HRH2: variants seen among roughly 807,000 people sequenced by gnomAD.
HRH2 encodes the protein histamine receptor H2, also known as histamine H2 receptor.
In HRH2, 4 loss-of-function variants were observed where a neutral mutation model predicts 20.1. That is an observed-to-expected ratio of 0.20 (90% CI 0.10 to 0.45). The LOEUF is 0.45. Among genes scored for constraint, HRH2 ranks in the 20% least tolerant of loss-of-function variants. The pLI is 0.99. For synonymous variants in HRH2, 197 were observed against 200.7 expected (o/e 0.98, Z 0.16); for missense variants, 250 against 461.6 (o/e 0.54, Z 4.20).
chr5:175,681,226 C>T lies in HRH2; in HGVS notation c.-525-1483C>T, dbSNP rs888065635. ...GAAAAGCTCTGCTAAAAATAGTACC[C>T]GGAGGTTCAGCTGCCAGGACTGGTG... On this transcript the variant is annotated intron_variant, in intron 1 of 2. Coordinates refer to ENST00000636584, the MANE Select transcript of HRH2 (RefSeq NM_001367711.1). This position sits in a 1 kb window ranked among gnomAD's most constrained non-coding sequence, Gnocchi z 4.3. 1.3e-5 allele frequency among the ~76,000 whole-genome samples: 2 copies of T among 152,142 alleles called. No homozygotes were observed. The highest frequency in any genetic ancestry group is 1.9e-4 in the East Asian group (1 of 5,198).
chr5:175,666,240 C>T (rs1014460987), intron 1 of HRH2, among the ~76,000 whole-genome samples: 7 of 152,184 alleles, frequency 4.6e-5, no homozygotes, highest in Admixed American at 1.3e-4. Context: ...CTGCAGTCCC[C>T]AGACTGTGTT....
intron 1 of HRH2, among the ~76,000 whole-genome samples, chr5:175,663,346 C>T (rs1054597954): frequency 6.6e-6 from 1 of 152,190 alleles, no homozygotes; most frequent in Non-Finnish European, 1.5e-5. Flanking sequence ...TGGATTCTAG[C>T]CATCCTTGTG....
Position 175,687,547 on chromosome 5 carries a change from C to G in HRH2, c.1076+3238C>G, listed in dbSNP as rs992349055. 1.3e-5 allele frequency among the ~76,000 whole-genome samples: 2 copies of G among 152,110 alleles called. No individual in the cohort carries two copies. Among genetic ancestry groups the G allele is most frequent in the Non-Finnish European group, 2.9e-5 (2 of 68,018 alleles). ...GCCACCCCACAATGTTCCTGCCCAG[C>G]CTCTATGAGTGCTCTTTGCAGCACA... On this transcript the variant is annotated intron_variant, in intron 2 of 2. Coordinates refer to ENST00000636584, the MANE Select transcript of HRH2 (RefSeq NM_001367711.1). This position sits in a 1 kb window ranked among gnomAD's most constrained non-coding sequence, Gnocchi z 5.2.
At chr5:175,695,188 GTAA>G (rs1756530713) in intron 2 of HRH2, among the ~76,000 whole-genome samples, 1 of 152,062 alleles carries the variant, frequency 6.6e-6, no homozygotes, top group Non-Finnish European at 1.5e-5. Flanking sequence ...CAACTACCTG[GTAA>G]TTGTGACTGC....
intron 1 of HRH2, among the ~76,000 whole-genome samples, chr5:175,673,277 G>C (rs1358661343): frequency 6.6e-6 from 1 of 152,138 alleles, no homozygotes; most frequent in African/African-American, 2.4e-5. Context: ...TTCACAGGCA[G>C]ACAGGGTTTG....
chr5:175,679,374 G>A (rs1204280299), intron 1 of HRH2, among the ~76,000 whole-genome samples: 2 of 152,194 alleles, frequency 1.3e-5, no homozygotes, highest in Non-Finnish European at 2.9e-5. Flanking sequence ...AAGTGAGAGA[G>A]GATGGAGAAC....
At chr5:175,676,320 C>T (rs573011780) in intron 1 of HRH2, among the ~76,000 whole-genome samples, 9 of 152,374 alleles carry the variant, frequency 5.9e-5, no homozygotes, top group African/African-American at 1.9e-4. Context: ...CGCACATCCA[C>T]GCCCGCACGT....
At chr5:175,670,259 C>G (rs2113487144) in intron 1 of HRH2, among the ~76,000 whole-genome samples, 1 of 151,758 alleles carries the variant, frequency 6.6e-6, no homozygotes, top group South Asian at 2.1e-4. Flanking sequence ...ATAGTGAGAC[C>G]CTGCCTCAAA....
rs547698156 is a variant in HRH2, at chr5:175,671,302, G to T, written c.-525-11407G>T. Among the ~76,000 whole-genome samples, 3 of 152,356 alleles carry T rather than the reference G, an allele frequency of 2.0e-5. No individual in the cohort carries two copies. In the South Asian group the frequency reaches 6.2e-4, roughly 32 times the overall value. ...ATAATCAACGGGTATAAATGTTCCT[G>T]GCAAGTGTTATCTGTTTGCTGCTGA... On this transcript the variant is annotated intron_variant, in intron 1 of 2. Coordinates refer to ENST00000636584, the MANE Select transcript of HRH2 (RefSeq NM_001367711.1).
chr5:175,707,220 C>T (rs1184763814), intron 2 of HRH2, among the ~76,000 whole-genome samples: 4 of 152,022 alleles, frequency 2.6e-5, no homozygotes, highest in Admixed American at 2.6e-4. Flanking sequence ...CCCAGGAGTT[C>T]AAGACCAGCC....
chr5:175,697,520 G>A (rs962226878), intron 2 of HRH2, among the ~76,000 whole-genome samples: 1 of 149,656 alleles, frequency 6.7e-6, no homozygotes, highest in Middle Eastern at 3.5e-3. Context: ...ACCCCCTGCA[G>A]CCTCATCTCT....
At chr5:175,668,460 T>G (rs940661598) in intron 1 of HRH2, among the ~76,000 whole-genome samples, 15 of 152,156 alleles carry the variant, frequency 9.9e-5, no homozygotes, top group Non-Finnish European at 2.9e-5. Flanking sequence ...GGTCTTGATC[T>G]TGACCCCATA....
At chr5:175,696,662 G>A (rs1040666636) in intron 2 of HRH2, among the ~76,000 whole-genome samples, 13 of 152,186 alleles carry the variant, frequency 8.5e-5, no homozygotes, top group African/African-American at 2.9e-4. Context: ...AGGGAGGTGG[G>A]GGAGGGGCTC....
chr5:175,685,239 A>G (rs775258799), intron 2 of HRH2: 22 of 162,618 alleles, frequency 1.4e-4, no homozygotes, highest in Non-Finnish European at 2.2e-4. Context: ...CAGGATCTTA[A>G]GGGAAACCAC....
intron 1 of HRH2, among the ~76,000 whole-genome samples, chr5:175,665,598 T>C (rs760647640): frequency 1.3e-5 from 2 of 152,112 alleles, no homozygotes; most frequent in African/African-American, 2.4e-5. Flanking sequence ...CTCGCTGCCC[T>C]GAGAAAGCCC....
chr5:175,687,463 A>T lies in HRH2; in HGVS notation c.1076+3154A>T, dbSNP rs1581442606. ...TGGGGGCACCGTCGGCCAAGGGGTG[A>T]CTCCAGAAGATAGAGTGGCCAAGCT... On this transcript the variant is annotated intron_variant, in intron 2 of 2. Coordinates refer to ENST00000636584, the MANE Select transcript of HRH2 (RefSeq NM_001367711.1). The surrounding 1 kb of genome is among the most constrained non-coding windows in gnomAD (Gnocchi z 5.2). Among the ~76,000 whole-genome samples, 1 of 151,978 alleles carries T rather than the reference A, an allele frequency of 6.6e-6. No individual in the cohort carries two copies. Among genetic ancestry groups the T allele is most frequent in the East Asian group, 1.9e-4 (1 of 5,176 alleles).
chr5:175,708,782 G>C lies in HRH2; in HGVS notation c.*811G>C, dbSNP rs1757017788. 6.6e-6 allele frequency: 1 copy of C among 152,116 alleles called. No homozygotes were observed. Among genetic ancestry groups the C allele is most frequent in the African/African-American group, 2.4e-5 (1 of 41,400 alleles). 9.4% of individuals were successfully genotyped at this position (152,116 alleles called of 1,614,324 possible). A position where few individuals can be genotyped will look rare whatever the true frequency, so the allele number is the denominator to read the frequency against. On this transcript the variant is annotated 3_prime_UTR_variant, in exon 3 of 3. Coordinates refer to ENST00000636584, the MANE Select transcript of HRH2 (RefSeq NM_001367711.1). ...CTCCTAGCAAGGCTTAGACCCCCAG[G>C]CTCTGGGGGTCCCTTCCTGCTACAG...
intron 1 of HRH2, among the ~76,000 whole-genome samples, chr5:175,665,475 T>G (rs1040191484): frequency 6.6e-6 from 1 of 152,114 alleles, no homozygotes; most frequent in Non-Finnish European, 1.5e-5. Context: ...GAGGGGAAAC[T>G]GAGGCTGGAG....
In HRH2 at chr5:175,683,666, A is replaced by C. The variant is rs1756068228; in HGVS notation, c.433A>C (p.Ile145Leu). ...CATCTCTCTGGTCTTAATTTGGGTC[A>C]TCTCCATTACCCTGTCCTTTCTGTC... ...VAISLVLIWV[I>L]SITLSFLSIH... Residue 145 changes from isoleucine (I) to leucine (L), a missense_variant, in exon 2 of 3, where the codon ATC becomes CTC. By Grantham distance (5) the Ile-to-Leu change is conservative (BLOSUM62 2). Coordinates refer to ENST00000636584, the MANE Select transcript of HRH2 (RefSeq NM_001367711.1). 2 of 1,614,200 alleles carry C rather than the reference A, an allele frequency of 1.2e-6. No individual in the cohort carries two copies. Among genetic ancestry groups the C allele is most frequent in the Non-Finnish European group, 1.7e-6 (2 of 1,180,034 alleles).
Sources: gnomAD v4.1 joint callset for allele counts (sites outside exome capture counted in the v4.1 genomes callset) on GRCh38, gnomAD v4.1.1 for gene constraint, Gnocchi (gnomAD v3.1) non-coding constraint, MANE v1.5 for transcripts, NCBI Gene and HGNC (gene_info 2026-07-23, HGNC 2026-07-21) for gene names.